Variants in FLVCR2 observed in about 807,000 individuals in gnomAD.
FLVCR2 encodes the protein choline/ethanolamine transporter FLVCR2.
In FLVCR2, 38 loss-of-function variants were observed where a neutral mutation model predicts 48.9. The observed-to-expected ratio is 0.78, with a 90% CI of 0.60 to 1.02. The LOEUF is 1.02. FLVCR2 is among the 50% of genes least tolerant of loss of function. The probability of loss-of-function intolerance (pLI) is 0.00; values close to 1 mark genes in which losing one functional copy is unlikely to be tolerated. For synonymous variants in FLVCR2, 255 were observed against 257.0 expected (o/e 0.99, Z 0.07); for missense variants, 664 against 663.3 (o/e 1.00, Z -0.01).
In FLVCR2 at chr14:75,584,742, G is replaced by A. The variant is rs182987982; in HGVS notation, c.669+5101G>A. Reference sequence around the variant, plus strand: ...TGGGCTAGAGAAAAAACTCTTTCCCGTTCATCTGGGGAGAGGGTAGAAGTC... The same window carrying A: ...TGGGCTAGAGAAAAAACTCTTTCCCATTCATCTGGGGAGAGGGTAGAAGTC... On this transcript the variant is annotated intron_variant, in intron 1 of 9. Transcript: ENST00000238667. Among the ~76,000 whole-genome samples the A allele has an allele frequency of 1.5e-4, 23 of 152,276 alleles. No individual in the cohort carries two copies. In the South Asian group the frequency reaches 4.1e-3, roughly 27 times the overall value.
At chr14:75,605,943 CT>C in intron 1 of FLVCR2, 1 of 380,884 alleles carries the variant, frequency 2.6e-6, no homozygotes, top group African/African-American at 2.0e-5. Flanking sequence ...CTAGAGGTAG[CT>C]GTCTGTATGC....
chr14:75,634,753 G>T (rs1890124898), intron 4 of FLVCR2, among the ~76,000 whole-genome samples, 157 bp from the exon 5 acceptor site: 1 of 152,184 alleles, frequency 6.6e-6, no homozygotes, highest in African/African-American at 2.4e-5. Flanking sequence ...AGTTATTCTA[G>T]AATTTTCTCC....
intron 1 of FLVCR2, among the ~76,000 whole-genome samples, chr14:75,604,788 G>A (rs1594798387): frequency 6.6e-6 from 1 of 152,172 alleles, no homozygotes; most frequent in South Asian, 2.1e-4. Context: ...GTGACCAGGG[G>A]TTGGTACATA....
intron 1 of FLVCR2, among the ~76,000 whole-genome samples, chr14:75,580,910 T>C (rs1195655453): frequency 6.6e-6 from 1 of 152,214 alleles, no homozygotes; most frequent in African/African-American, 2.4e-5. Context: ...TGGCTTAGCT[T>C]GGGCTCAGAG....
chr14:75,591,639 C>G (rs1420957593), intron 1 of FLVCR2, among the ~76,000 whole-genome samples: 1 of 152,164 alleles, frequency 6.6e-6, no homozygotes, highest in Non-Finnish European at 1.5e-5. Context: ...TGGCCCTACT[C>G]TTGTGGCTCC....
At chr14:75,595,864 T>C (rs1889006768) in intron 1 of FLVCR2, 1 of 1,032,256 alleles carries the variant, frequency 9.7e-7, no homozygotes, top group East Asian at 2.4e-5. Context: ...CTGACTTTCC[T>C]CATTCTGTTC....
intron 1 of FLVCR2, among the ~76,000 whole-genome samples, chr14:75,620,521 T>G (rs146773421): frequency 6.6e-6 from 1 of 152,360 alleles, no homozygotes; most frequent in Non-Finnish European, 1.5e-5. Flanking sequence ...AACTGTAATA[T>G]TCTATCATTT....
chr14:75,622,636 C>T (rs899927725), intron 2 of FLVCR2, among the ~76,000 whole-genome samples: 4 of 151,940 alleles, frequency 2.6e-5, no homozygotes, highest in African/African-American at 9.7e-5. Context: ...AAAAATGAGA[C>T]TTAAGGGAAG....
At chr14:75,600,552 C>T (rs142990249) in intron 1 of FLVCR2, among the ~76,000 whole-genome samples, 4 of 152,136 alleles carry the variant, frequency 2.6e-5, no homozygotes, top group East Asian at 1.9e-4. Context: ...CCAGTAACAT[C>T]GTTATACTAT....
chr14:75,595,380 G>A (rs866080175), intron 1 of FLVCR2, among the ~76,000 whole-genome samples: 4 of 152,178 alleles, frequency 2.6e-5, no homozygotes, highest in African/African-American at 9.7e-5. Flanking sequence ...ATAACGAAAG[G>A]CTCTAGAAAG....
intron 1 of FLVCR2, among the ~76,000 whole-genome samples, chr14:75,585,185 G>C (rs1888713837): frequency 6.6e-6 from 1 of 152,156 alleles, no homozygotes; most frequent in Non-Finnish European, 1.5e-5. Context: ...GAACAGACAG[G>C]AGAGAAAGAA....
chr14:75,587,605 C>A (rs949078751), intron 1 of FLVCR2, among the ~76,000 whole-genome samples: 3 of 152,192 alleles, frequency 2.0e-5, no homozygotes, highest in Non-Finnish European at 4.4e-5. Context: ...GAGGCCCTTC[C>A]CTTTTCTTGG....
Position 75,579,055 on chromosome 14 carries a change from C to G in FLVCR2, c.83C>G (p.Ser28Trp). The change falls in exon 1 of 10, where the codon TCG becomes TGG. Residue 28 changes from serine to tryptophan, a missense_variant. Ser to Trp is a radical substitution (Grantham distance 177). Transcript: ENST00000238667. ...GCACTCCAAGCGGACCCCAGCGTCT[C>G]GGTCCATCCCAGCGTCTCGGTCCAT... is the stretch of plus-strand genomic sequence containing the variant. ...ESALQADPSV[S>W]VHPSVSVHPS... The G allele has an allele frequency of 6.2e-7, 1 of 1,601,320 alleles. No individual in the cohort carries two copies. Among genetic ancestry groups the G allele is most frequent in the Non-Finnish European group, 8.5e-7 (1 of 1,171,542 alleles).
At chr14:75,613,594 C>T (rs1889520552) in intron 1 of FLVCR2, among the ~76,000 whole-genome samples, 1 of 152,016 alleles carries the variant, frequency 6.6e-6, no homozygotes, top group African/African-American at 2.4e-5. Flanking sequence ...CTCTGTTGCC[C>T]AGGCTGGAGT....
At chr14:75,581,744 C>A (rs921488732) in intron 1 of FLVCR2, among the ~76,000 whole-genome samples, 1 of 152,124 alleles carries the variant, frequency 6.6e-6, no homozygotes, top group African/African-American at 2.4e-5. Context: ...TGGGCGGGGG[C>A]AAATCCCCAA....
In FLVCR2 at chr14:75,635,083, G is replaced by C. The variant is rs114856364; in HGVS notation, c.1124+70G>C. Reference sequence around the variant, plus strand: ...TTGAAATGACATATTCATAAGCAGTGTGACTCCAAGTCATTGTTTGGAGAT... The same window carrying C: ...TTGAAATGACATATTCATAAGCAGTCTGACTCCAAGTCATTGTTTGGAGAT... On this transcript the variant is annotated intron_variant, in intron 5 of 9. Coordinates refer to ENST00000238667, the MANE Select transcript of FLVCR2 (RefSeq NM_017791.3). 336 of 993,440 alleles carry C rather than the reference G, an allele frequency of 3.4e-4. 1 individual carries two copies. In the African/African-American group the frequency reaches 4.7e-3, roughly 14 times the overall value. 61.5% of individuals were successfully genotyped at this position (993,440 alleles called of 1,614,324 possible). A position where few individuals can be genotyped will look rare whatever the true frequency, so the allele number is the denominator to read the frequency against.
chr14:75,593,365 C>T (rs1888932283), intron 1 of FLVCR2, among the ~76,000 whole-genome samples: 1 of 152,196 alleles, frequency 6.6e-6, no homozygotes, highest in Non-Finnish European at 1.5e-5. Context: ...CTGGGACATT[C>T]AAGGGCGTGC....
intron 1 of FLVCR2, among the ~76,000 whole-genome samples, chr14:75,613,969 T>G (rs956645938): frequency 3.3e-5 from 5 of 152,234 alleles, no homozygotes; most frequent in Non-Finnish European, 5.9e-5. Flanking sequence ...CTCTGTGAAC[T>G]TAACTTCAGA....
chr14:75,624,593 T>C lies in FLVCR2; in HGVS notation c.812-19T>C. On this transcript the variant is annotated intron_variant, in intron 2 of 9. Coordinates refer to ENST00000238667, the MANE Select transcript of FLVCR2 (RefSeq NM_017791.3). ...GGGACCATGGGAATTTTCAGCCATC[T>C]CTGTTTTTTTCCTTTCAGTGTTCAA... is the stretch of plus-strand genomic sequence containing the variant. 1 of 1,614,142 alleles carries C rather than the reference T, an allele frequency of 6.2e-7. No individual in the cohort carries two copies. Among genetic ancestry groups the C allele is most frequent in the South Asian group, 1.1e-5 (1 of 91,082 alleles).
Sources: allele counts gnomAD v4.1 joint callset (sites outside exome capture counted in the v4.1 genomes callset), GRCh38; gene constraint gnomAD v4.1.1; transcripts MANE v1.5; gene names NCBI Gene and HGNC (gene_info 2026-07-23, HGNC 2026-07-21).